Variants in ATP1A4 observed in about 807,000 individuals in gnomAD.
The protein encoded by ATP1A4 is ATPase Na+/K+ transporting subunit alpha 4, also known as sodium/potassium-transporting ATPase subunit alpha-4.
Under a neutral mutation model 114.3 loss-of-function variants are expected in ATP1A4, and 90 were observed. The observed-to-expected ratio is 0.79, with a 90% CI of 0.66 to 0.94. The LOEUF is 0.94. Among genes scored for constraint, ATP1A4 ranks in the 40% least tolerant of loss-of-function variants. The pLI is 0.00. For synonymous variants in ATP1A4, 511 were observed against 494.1 expected, an observed-to-expected ratio of 1.03 and a Z score of -0.45; for missense variants, 1,222 against 1,313.6, an observed-to-expected ratio of 0.93 and a Z score of 1.08.
At chr1:160,176,904 T>C (rs536810706) in intron 17 of ATP1A4, among the ~76,000 whole-genome samples, 1 of 152,190 alleles carries the variant, frequency 6.6e-6, no homozygotes, top group Non-Finnish European at 1.5e-5. Context: ...AGAGGCCTTA[T>C]GCAGGAAATA....
chr1:160,168,713 T>C (rs1653132067), intron 10 of ATP1A4, among the ~76,000 whole-genome samples: 1 of 152,188 alleles, frequency 6.6e-6, no homozygotes, highest in South Asian at 2.1e-4. Flanking sequence ...ACTGAATTAC[T>C]CATCGTTTTA....
intron 15 of ATP1A4, among the ~76,000 whole-genome samples, chr1:160,175,088 G>A (rs1055589236): frequency 5.3e-5 from 8 of 152,094 alleles, no homozygotes; most frequent in African/African-American, 1.9e-4. Context: ...ACACCCCTGG[G>A]ACTATTCCAT....
At chr1:160,162,312 A>C (rs1652889857) in intron 6 of ATP1A4, among the ~76,000 whole-genome samples, 1 of 152,208 alleles carries the variant, frequency 6.6e-6, no homozygotes, top group African/African-American at 2.4e-5. Flanking sequence ...GAATTTTGTC[A>C]TGCCCCTCAT....
At chr1:160,159,323 G>T in intron 5 of ATP1A4, 86 bp from the exon 6 acceptor site, 2 of 1,367,188 alleles carry the variant, frequency 1.5e-6, no homozygotes, top group Non-Finnish European at 1.0e-6. Flanking sequence ...TGATGTTGGT[G>T]ACCAGATGAA....
chr1:160,168,213 G>A (rs2101639003), intron 10 of ATP1A4, among the ~76,000 whole-genome samples: 1 of 152,166 alleles, frequency 6.6e-6, no homozygotes, highest in South Asian at 2.1e-4. Flanking sequence ...GACATTATCA[G>A]AATTGGAGCT....
In ATP1A4 at chr1:160,164,228, G is replaced by A. The variant is rs777307314; in HGVS notation, c.851G>A (p.Gly284Asp). The change falls in exon 7 of 22, where the codon GGC (glycine) becomes GAC (aspartate). Residue 284 changes from glycine (G) to aspartate (D), a missense_variant. By Grantham distance (94) the Gly-to-Asp change is moderately conservative (BLOSUM62 -1). Transcript: ENST00000368081. ...GGCAGAATTGCCTCCCTGACGTCAGGCCTGGCGGTTGGCCAGACACCTATC... is the reference window on the plus strand; with the variant it reads ...GGCAGAATTGCCTCCCTGACGTCAGACCTGGCGGTTGGCCAGACACCTATC... ...VMGRIASLTS[G>D]LAVGQTPIAA... is the part of the protein sequence containing the mutation. 4.3e-6 allele frequency: 7 copies of A among 1,614,212 alleles called. No homozygotes were observed. The highest frequency in any genetic ancestry group is 5.1e-6 in the Non-Finnish European group (6 of 1,180,028).
intron 2 of ATP1A4, among the ~76,000 whole-genome samples, chr1:160,154,827 T>C (rs1652577679): frequency 6.6e-6 from 1 of 152,194 alleles, no homozygotes; most frequent in Admixed American, 6.5e-5. Context: ...AATCAATCCA[T>C]AAACAAAAAC....
At chr1:160,161,701 C>A (rs1652868141) in intron 6 of ATP1A4, among the ~76,000 whole-genome samples, 1 of 152,178 alleles carries the variant, frequency 6.6e-6, no homozygotes, top group Admixed American at 6.5e-5. Context: ...CCATAGGACC[C>A]AATATATGCC....
At chr1:160,175,105 C>T (rs11265343) in intron 15 of ATP1A4, among the ~76,000 whole-genome samples, 67,545 of 151,844 alleles carry the variant, frequency 0.44, 15,259 homozygotes, top group East Asian at 0.6. Flanking sequence ...CCATGCGCTG[C>T]AATCTTTAGG....
At position 160,176,037 on chromosome 1, in the gene ATP1A4, T is replaced by G. The variant is rs1484177857; in HGVS notation, c.2312-55T>G. 3 of 1,598,922 alleles carry G rather than the reference T, an allele frequency of 1.9e-6. No individual in the cohort carries two copies. In the African/African-American group the frequency reaches 4.0e-5, roughly 21 times the overall value. On this transcript the variant is annotated intron_variant, in intron 15 of 21. Transcript: ENST00000368081. ...TGGCCTGTCTGTCCCGGAGCTGGTTTGAGGGAGGCGTGTTCTCCCAGGGCT... is the reference window on the plus strand; with the variant it reads ...TGGCCTGTCTGTCCCGGAGCTGGTTGGAGGGAGGCGTGTTCTCCCAGGGCT...
intron 12 of ATP1A4, among the ~76,000 whole-genome samples, chr1:160,172,754 T>C (rs16831488): frequency 0.031 from 4,651 of 152,290 alleles, 76 homozygotes; most frequent in East Asian, 0.075. Flanking sequence ...TGGCTTTATG[T>C]TAGACCTGTG....
chr1:160,158,543 AT>A (rs536688741), intron 4 of ATP1A4, among the ~76,000 whole-genome samples: 12 of 150,696 alleles, frequency 8.0e-5, no homozygotes, highest in East Asian at 5.9e-4. Flanking sequence ...CACCTGGCTA[AT>A]TTTTTTTTCA....
At position 160,164,169 on chromosome 1, in the gene ATP1A4, T is replaced by A; in HGVS notation, c.792T>A (p.Gly264=). The A allele has an allele frequency of 6.2e-7, 1 of 1,614,028 alleles. No individual in the cohort carries two copies. Among genetic ancestry groups the A allele is most frequent in the Non-Finnish European group, 8.5e-7 (1 of 1,179,966 alleles). The change falls in exon 7 of 22, where the codon GGT becomes GGA. Residue 264 remains glycine, a synonymous_variant. Coordinates refer to ENST00000368081, the MANE Select transcript of ATP1A4 (RefSeq NM_144699.4). ...STNCVEGTAR[G]IVIATGDSTV... is the part of the protein sequence containing the mutation. ...CTTCATCCACAGGAACCGCCCGGGGTATTGTGATTGCTACGGGAGACTCCA... is the reference window on the plus strand; with the variant it reads ...CTTCATCCACAGGAACCGCCCGGGGAATTGTGATTGCTACGGGAGACTCCA...
In ATP1A4 at chr1:160,186,343, C is replaced by A. The variant is rs114357990; in HGVS notation, c.3037C>A (p.Leu1013Ile). ...LIFVYDEIRK[L>I]LIRQHPDGWV... ...CTTCGTCTATGATGAAATCAGAAAA[C>A]TCCTCATCCGTCAGCACCCGGATGG... The change falls in exon 21 of 22, where the codon CTC (leucine) becomes ATC (isoleucine). Residue 1013 changes from leucine (L) to isoleucine (I), a missense_variant. Coordinates refer to ENST00000368081, the MANE Select transcript of ATP1A4 (RefSeq NM_144699.4). The A allele has an allele frequency of 6.2e-7, 1 of 1,613,622 alleles. No individual in the cohort carries two copies. Among genetic ancestry groups the A allele is most frequent in the African/African-American group, 1.3e-5 (1 of 74,882 alleles).
At chr1:160,177,745 A>G in intron 18 of ATP1A4, 81 bp downstream of exon 18, 1 of 1,520,128 alleles carries the variant, frequency 6.6e-7, no homozygotes, top group Non-Finnish European at 9.0e-7. Flanking sequence ...AAATTTTTTA[A>G]GAGAGAAGAA....
In ATP1A4 at chr1:160,151,691, T is replaced by G. The variant is rs546366208; in HGVS notation, c.-350T>G. ...GCGGCATCTTCATCACTGAGGCACCTGGTTACGCTTCACCTCTTGTTTCCT... is the reference window on the plus strand; with the variant it reads ...GCGGCATCTTCATCACTGAGGCACCGGGTTACGCTTCACCTCTTGTTTCCT... On this transcript the variant is annotated 5_prime_UTR_variant, in exon 1 of 22. Transcript: ENST00000368081. 1.1e-4 allele frequency: 21 copies of G among 190,964 alleles called. No individual in the cohort carries two copies. Among genetic ancestry groups the G allele is most frequent in the Non-Finnish European group, 1.9e-4 (18 of 92,332 alleles). 11.8% of individuals were successfully genotyped at this position (190,964 alleles called of 1,614,324 possible). A position where few individuals can be genotyped will look rare whatever the true frequency, so the allele number is the denominator to read the frequency against.
intron 11 of ATP1A4, 67 bp from the exon 12 acceptor site, chr1:160,171,518 T>G: frequency 1.3e-6 from 2 of 1,599,344 alleles, no homozygotes; most frequent in Admixed American, 3.4e-5. Context: ...ATCAAGGATG[T>G]TGGGGTAAGC....
rs768219813 is a variant in ATP1A4 at position 160,186,273 on chromosome 1, CAGG to C, written c.2970-1_2971del. Reference sequence around the variant, plus strand: ...CATGCTGACTGGCTCTTGCTCTCTACAGGATAACCTGGTGGCTCTGTGCCATTC... The same window carrying C: ...CATGCTGACTGGCTCTTGCTCTCTACATAACCTGGTGGCTCTGTGCCATTC... On this transcript the variant is annotated splice_acceptor_variant and coding_sequence_variant, in exon 21 of 22. Transcript: ENST00000368081. LOFTEE classifies it high-confidence loss of function. The C allele has an allele frequency of 3.1e-6, 5 of 1,608,684 alleles. No homozygotes were observed. The highest frequency in any genetic ancestry group is 3.4e-6 in the Non-Finnish European group (4 of 1,176,030).
chr1:160,159,275 A>G, intron 5 of ATP1A4, 134 bp from the exon 6 acceptor site: 1 of 1,367,260 alleles, frequency 7.3e-7, no homozygotes, highest in Non-Finnish European at 1.0e-6. Context: ...GTTAGAGACA[A>G]CAGATGTGTA....
Sources: gnomAD v4.1 joint callset for allele counts (sites outside exome capture counted in the v4.1 genomes callset) on GRCh38, gnomAD v4.1.1 for gene constraint, MANE v1.5 for transcripts, NCBI Gene and HGNC (gene_info 2026-07-23, HGNC 2026-07-21) for gene names.